PIK3CA: variants seen among roughly 807,000 people sequenced by gnomAD.
The protein encoded by PIK3CA is phosphatidylinositol 4,5-bisphosphate 3-kinase catalytic subunit alpha isoform.
In PIK3CA, 27 loss-of-function variants were observed where a neutral mutation model predicts 138.2. The observed-to-expected ratio is 0.20, with a 90% CI of 0.14 to 0.27. The LOEUF (loss-of-function observed/expected upper bound fraction) is 0.27. PIK3CA is among the 10% of genes least tolerant of loss of function. PIK3CA has a pLI of 1.00. For missense variants in PIK3CA, 544 were observed against 1,277.4 expected, an observed-to-expected ratio of 0.43 and a Z score of 8.75; for synonymous variants, 358 against 413.2, an observed-to-expected ratio of 0.87 and a Z score of 1.62.
At chr3:179,162,135 A>G (rs909108444) in intron 1 of PIK3CA, among the ~76,000 whole-genome samples, 4 of 152,298 alleles carry the variant, frequency 2.6e-5, no homozygotes, top group South Asian at 4.1e-4. Flanking sequence ...ACATACAGAA[A>G]TCTGAAACAT....
intron 17 of PIK3CA, among the ~76,000 whole-genome samples, chr3:179,228,917 C>T (rs1374140928): frequency 6.6e-6 from 1 of 152,210 alleles, no homozygotes; most frequent in Admixed American, 6.5e-5. Flanking sequence ...AAATTGAGAA[C>T]TTCTGCCCTA....
At chr3:179,180,952 A>AT (rs1484334462) in intron 1 of PIK3CA, among the ~76,000 whole-genome samples, 1 of 152,174 alleles carries the variant, frequency 6.6e-6, no homozygotes, top group Non-Finnish European at 1.5e-5. Context: ...TTCTCTGTGT[A>AT]TTAATGCATG....
intron 9 of PIK3CA, among the ~76,000 whole-genome samples, chr3:179,213,189 A>T (rs181463728): frequency 6.6e-6 from 1 of 152,202 alleles, no homozygotes; most frequent in African/African-American, 2.4e-5. Flanking sequence ...ACTGAAGTAC[A>T]GCTATACCTC....
intron 1 of PIK3CA, among the ~76,000 whole-genome samples, chr3:179,194,757 C>T (rs1724222341): frequency 6.6e-6 from 1 of 152,234 alleles, no homozygotes; most frequent in East Asian, 1.9e-4. Context: ...TCTATAGGCT[C>T]TCTTACATCA....
At chr3:179,213,188 C>T (rs751792902) in intron 9 of PIK3CA, among the ~76,000 whole-genome samples, 9 of 152,134 alleles carry the variant, frequency 5.9e-5, no homozygotes, top group Admixed American at 3.3e-4. Flanking sequence ...GACTGAAGTA[C>T]AGCTATACCT....
chr3:179,206,336 G>C (rs766971399), intron 6 of PIK3CA, among the ~76,000 whole-genome samples: 3 of 152,134 alleles, frequency 2.0e-5, no homozygotes, highest in African/African-American at 7.2e-5. Context: ...TGGGATTACA[G>C]GCCTGAGCCA....
At chr3:179,197,199 C>T (rs905374937) in intron 1 of PIK3CA, among the ~76,000 whole-genome samples, 1 of 152,050 alleles carries the variant, frequency 6.6e-6, no homozygotes, top group Non-Finnish European at 1.5e-5. Context: ...CCACCACGCC[C>T]AGCTAACTTT....
intron 1 of PIK3CA, among the ~76,000 whole-genome samples, chr3:179,150,688 C>A (rs918883945): frequency 1.3e-5 from 2 of 152,182 alleles, no homozygotes; most frequent in Non-Finnish European, 2.9e-5. Flanking sequence ...GGTGGCAGAG[C>A]TTCCTTCCTG....
chr3:179,189,391 T>G lies in PIK3CA; in HGVS notation c.-76-9359T>G, dbSNP rs1724070561. 2.6e-5 allele frequency among the ~76,000 whole-genome samples: 4 copies of G among 152,274 alleles called. No homozygotes were observed. In the South Asian group the frequency reaches 8.3e-4, roughly 32 times the overall value. ...TCTGGTATGGTTTCTCTTTATAAAA[T>G]ACAAAATTTAAAGTTCATGCTTTAT... On this transcript the variant is annotated intron_variant, in intron 1 of 20. Transcript: ENST00000263967.
intron 1 of PIK3CA, among the ~76,000 whole-genome samples, chr3:179,170,359 G>A (rs1723530309): frequency 6.6e-6 from 1 of 152,164 alleles, no homozygotes; most frequent in Admixed American, 6.5e-5. Flanking sequence ...TCTCCCCAAA[G>A]TGAAGCCAAT....
At chr3:179,156,630 G>A (rs1168034255) in intron 1 of PIK3CA, among the ~76,000 whole-genome samples, 1 of 152,068 alleles carries the variant, frequency 6.6e-6, no homozygotes, top group Non-Finnish European at 1.5e-5. Flanking sequence ...AAGCAGTGAT[G>A]TTTATGCTAT....
At chr3:179,150,149 GAA>G (rs2108346201) in intron 1 of PIK3CA, among the ~76,000 whole-genome samples, 2 of 148,960 alleles carry the variant, frequency 1.3e-5, no homozygotes, top group Non-Finnish European at 3.0e-5. Flanking sequence ...AAAATTATCT[GAA>G]GAGGACTGTG....
intron 1 of PIK3CA, among the ~76,000 whole-genome samples, chr3:179,163,359 G>A (rs902901679): frequency 1.3e-5 from 2 of 152,026 alleles, no homozygotes; most frequent in African/African-American, 4.8e-5. Context: ...TCATTCGTTC[G>A]ACTCTCAAAT....
intron 9 of PIK3CA, among the ~76,000 whole-genome samples, chr3:179,217,609 AATAT>A (rs1322542081): frequency 2.0e-5 from 3 of 152,042 alleles, no homozygotes; most frequent in African/African-American, 7.2e-5. Flanking sequence ...TTACACAGTT[AATAT>A]ATCTATATTT....
chr3:179,153,946 A>G (rs528809529), intron 1 of PIK3CA, among the ~76,000 whole-genome samples: 101 of 152,284 alleles, frequency 6.6e-4, no homozygotes, highest in African/African-American at 2.3e-3. Flanking sequence ...CAGCTATTGG[A>G]TATACTAATA....
In PIK3CA at chr3:179,238,060, TGA is replaced by T. The variant is rs747061807; in HGVS notation, c.*3698_*3699del. 1.8e-5 allele frequency: 4 copies of T among 224,164 alleles called. No homozygotes were observed. Among genetic ancestry groups the T allele is most frequent in the Non-Finnish European group, 2.7e-5 (3 of 112,366 alleles). The allele number at this position is 224,164 out of a possible 1,614,324, so 13.9% of individuals were successfully genotyped here. On this transcript the variant is annotated 3_prime_UTR_variant, in exon 21 of 21. Transcript: ENST00000263967. ...AGATGTTTTTGAGAAGAGGGGAATG[TGA>T]GGGGAGGGGGCAGAACAGGGAGGAG... is the stretch of plus-strand genomic sequence containing the variant.
At chr3:179,156,241 C>G (rs544290366) in intron 1 of PIK3CA, among the ~76,000 whole-genome samples, 1 of 152,178 alleles carries the variant, frequency 6.6e-6, no homozygotes, top group African/African-American at 2.4e-5. Flanking sequence ...TTTTTTGAAA[C>G]CGTTAGTGAC....
At chr3:179,174,976 T>C (rs1723659969) in intron 1 of PIK3CA, among the ~76,000 whole-genome samples, 1 of 152,236 alleles carries the variant, frequency 6.6e-6, no homozygotes, top group Non-Finnish European at 1.5e-5. Context: ...ATAATATCCT[T>C]CATAGAGCCT....
chr3:179,155,531 A>G (rs1723113013), intron 1 of PIK3CA, among the ~76,000 whole-genome samples: 1 of 151,950 alleles, frequency 6.6e-6, no homozygotes, highest in Non-Finnish European at 1.5e-5. Context: ...GCATATACAG[A>G]TTTTTTTTGG....
Sources: allele counts gnomAD v4.1 joint callset (sites outside exome capture counted in the v4.1 genomes callset), GRCh38; gene constraint gnomAD v4.1.1; transcripts MANE v1.5; gene names NCBI Gene and HGNC (gene_info 2026-07-23, HGNC 2026-07-21).